Variants in ZFR observed in about 807,000 individuals in gnomAD.
ZFR encodes the protein zinc finger RNA binding protein, also known as zinc finger RNA-binding protein.
In ZFR, 19 loss-of-function variants were observed where a neutral mutation model predicts 130.7. That is an observed-to-expected ratio of 0.15 (90% CI 0.10 to 0.21). The LOEUF (loss-of-function observed/expected upper bound fraction) is 0.21, where lower values mean the gene tolerates loss of function less well. Among genes scored for constraint, ZFR ranks in the 10% least tolerant of loss-of-function variants. ZFR has a pLI of 1.00. For synonymous variants in ZFR, 466 were observed against 456.9 expected, an observed-to-expected ratio of 1.02 and a Z score of -0.25; for missense variants, 872 against 1,321.5, an observed-to-expected ratio of 0.66 and a Z score of 5.27.
chr5:32,378,050 C>A (rs1752863269), intron 17 of ZFR, among the ~76,000 whole-genome samples: 1 of 152,186 alleles, frequency 6.6e-6, no homozygotes, highest in Non-Finnish European at 1.5e-5. Context: ...TATCCCAGAA[C>A]TATGACAGTG....
intron 17 of ZFR, among the ~76,000 whole-genome samples, chr5:32,375,956 C>T (rs1443936409): frequency 1.3e-5 from 2 of 151,968 alleles, no homozygotes; most frequent in African/African-American, 4.8e-5. Context: ...ATTCTCCTGC[C>T]TCAGCCTCCC....
intron 19 of ZFR, among the ~76,000 whole-genome samples, chr5:32,363,722 A>G (rs1484507285): frequency 6.6e-6 from 1 of 152,218 alleles, no homozygotes; most frequent in Non-Finnish European, 1.5e-5. Context: ...TATACAATAC[A>G]CTTACTTAGA....
chr5:32,374,479 G>C (rs1394631391), intron 17 of ZFR, among the ~76,000 whole-genome samples: 1 of 151,666 alleles, frequency 6.6e-6, no homozygotes, highest in Non-Finnish European at 1.5e-5. Flanking sequence ...CTCCAGGCTG[G>C]GGTACAGAGC....
intron 19 of ZFR, among the ~76,000 whole-genome samples, chr5:32,360,092 G>T (rs933995332): frequency 3.3e-5 from 5 of 152,134 alleles, no homozygotes; most frequent in African/African-American, 1.2e-4. Flanking sequence ...GGACTTCAGA[G>T]ACATGATTTA....
chr5:32,444,417 A>G, intron 1 of ZFR, 89 bp from the exon 2 acceptor site: 2 of 1,437,418 alleles, frequency 1.4e-6, no homozygotes, highest in Non-Finnish European at 1.9e-6. Context: ...AGAGAAAGAG[A>G]GAGGCGCCGT....
At chr5:32,391,523 CTCTTT>C (rs1338760120) in intron 11 of ZFR, among the ~76,000 whole-genome samples, 174 of 109,874 alleles carry the variant, frequency 1.6e-3, no homozygotes, top group Non-Finnish European at 2.8e-3. Context: ...GCGAAATCTA[CTCTTT>C]TTTTTTTTTT....
intron 17 of ZFR, among the ~76,000 whole-genome samples, chr5:32,371,016 C>A (rs1427547106): frequency 6.6e-6 from 1 of 152,172 alleles, no homozygotes. Flanking sequence ...AAAGTTACTC[C>A]TGTTTATGAC....
intron 19 of ZFR, among the ~76,000 whole-genome samples, chr5:32,359,442 T>C (rs1220911716): frequency 6.6e-6 from 1 of 152,128 alleles, no homozygotes; most frequent in Non-Finnish European, 1.5e-5. Context: ...CTTAAAGATA[T>C]GCTAATATCT....
At chr5:32,430,631 C>T (rs1754187420) in intron 2 of ZFR, among the ~76,000 whole-genome samples, 1 of 151,936 alleles carries the variant, frequency 6.6e-6, no homozygotes, top group African/African-American at 2.4e-5. Context: ...GAAGAATTCA[C>T]AGTAAGATAT....
chr5:32,402,878 T>C (rs1753491403), intron 8 of ZFR, among the ~76,000 whole-genome samples: 1 of 151,006 alleles, frequency 6.6e-6, no homozygotes, highest in Admixed American at 6.6e-5. Flanking sequence ...TTTTTTTAAA[T>C]GACTAGAGGA....
At chr5:32,413,736 C>A (rs1753761507) in intron 5 of ZFR, among the ~76,000 whole-genome samples, 1 of 152,096 alleles carries the variant, frequency 6.6e-6, no homozygotes, top group African/African-American at 2.4e-5. Flanking sequence ...TATAGCTAGT[C>A]AACCAAATAG....
intron 16 of ZFR, chr5:32,379,473 C>T (rs1369827362): frequency 9.5e-5 from 27 of 283,588 alleles, no homozygotes; most frequent in Non-Finnish European, 6.2e-6. Context: ...GACCTGTGTT[C>T]ATTTAAAACA....
At chr5:32,390,510 T>C in intron 11 of ZFR, 73 bp from the exon 12 acceptor site, 2 of 1,384,130 alleles carry the variant, frequency 1.4e-6, no homozygotes, top group East Asian at 2.4e-5. Context: ...AATAGTGACA[T>C]AAAAAGCAAT....
chr5:32,442,697 T>C (rs1581722721), intron 2 of ZFR, among the ~76,000 whole-genome samples: 1 of 152,208 alleles, frequency 6.6e-6, no homozygotes, highest in African/African-American at 2.4e-5. Flanking sequence ...AATGGAGTCT[T>C]AAGCAGTGTC....
intron 19 of ZFR, among the ~76,000 whole-genome samples, chr5:32,360,642 AGT>A (rs111466836): frequency 0.026 from 3,970 of 152,200 alleles, 180 homozygotes; most frequent in African/African-American, 0.092. Context: ...TTTGTGTACA[AGT>A]TTTTGTGGGG....
chr5:32,417,867 C>T, intron 3 of ZFR, 75 bp from the exon 4 acceptor site: 2 of 1,429,602 alleles, frequency 1.4e-6, no homozygotes, highest in South Asian at 2.5e-5. Flanking sequence ...TATAGAAGTG[C>T]AATAAAGGAA....
chr5:32,444,197 G>A, intron 2 of ZFR, 32 bp downstream of exon 2: 2 of 1,591,368 alleles, frequency 1.3e-6, no homozygotes, highest in Non-Finnish European at 1.7e-6. Context: ...GGAGAGCAAG[G>A]GGCGAACAGA....
chr5:32,389,033 T>C (rs1244769756), intron 12 of ZFR, among the ~76,000 whole-genome samples: 1 of 152,212 alleles, frequency 6.6e-6, no homozygotes, highest in Non-Finnish European at 1.5e-5. Flanking sequence ...TGAGCAAAGA[T>C]AAATGAGAGA....
At chr5:32,399,872 AT>A in intron 9 of ZFR, 134 bp downstream of exon 9, 1 of 801,772 alleles carries the variant, frequency 1.2e-6, no homozygotes. Flanking sequence ...TATAACAAAG[AT>A]TCCTTTAATA....
Sources: gnomAD v4.1 joint callset for allele counts (sites outside exome capture counted in the v4.1 genomes callset) on GRCh38, gnomAD v4.1.1 for gene constraint, MANE v1.5 for transcripts, NCBI Gene and HGNC (gene_info 2026-07-23, HGNC 2026-07-21) for gene names.